EHBP1: variants seen among roughly 807,000 people sequenced by gnomAD.
EHBP1 encodes EH domain binding protein 1, also known as EH domain-binding protein 1.
Under a neutral mutation model 144.0 loss-of-function variants are expected in EHBP1, and 55 were observed. That is an observed-to-expected ratio of 0.38 (90% confidence interval 0.31 to 0.48). The LOEUF is 0.48. Among genes scored for constraint, EHBP1 ranks in the 20% least tolerant of loss-of-function variants. EHBP1 has a pLI of 0.98. For synonymous variants in EHBP1, 469 were observed against 472.7 expected, an observed-to-expected ratio of 0.99 and a Z score of 0.10; for missense variants, 1,200 against 1,364.2, an observed-to-expected ratio of 0.88 and a Z score of 1.90.
chr2:62,803,377 G>C (rs1158364165), intron 5 of EHBP1, among the ~76,000 whole-genome samples: 5 of 152,112 alleles, frequency 3.3e-5, no homozygotes, highest in East Asian at 3.8e-4. Context: ...CCCATAACAG[G>C]CTATAACTGT....
chr2:62,880,348 A>G (rs1377393268), intron 10 of EHBP1, among the ~76,000 whole-genome samples: 2 of 30,780 alleles, frequency 6.5e-5, no homozygotes, highest in African/African-American at 3.6e-4. Flanking sequence ...GCAATTGTGA[A>G]AAAAAAAAAA....
At chr2:62,839,102 G>A (rs1318413199) in intron 7 of EHBP1, among the ~76,000 whole-genome samples, 1 of 147,704 alleles carries the variant, frequency 6.8e-6, no homozygotes, top group African/African-American at 2.5e-5. Flanking sequence ...ATAAAATACT[G>A]GCAAACCGAA....
At chr2:62,975,421 G>A (rs947866498) in intron 14 of EHBP1, among the ~76,000 whole-genome samples, 3 of 152,180 alleles carry the variant, frequency 2.0e-5, no homozygotes, top group South Asian at 2.1e-4. Flanking sequence ...TGGGATGAGC[G>A]ATAACTGTTG....
chr2:62,680,308 C>G (rs1310192820), intron 1 of EHBP1, among the ~76,000 whole-genome samples: 1 of 152,220 alleles, frequency 6.6e-6, no homozygotes, highest in Non-Finnish European at 1.5e-5. Context: ...CTACCCTCCC[C>G]TGTTCCTCAA....
intron 4 of EHBP1, among the ~76,000 whole-genome samples, chr2:62,770,844 C>T (rs2041604036): frequency 6.6e-6 from 1 of 152,104 alleles, no homozygotes; most frequent in African/African-American, 2.4e-5. Flanking sequence ...TGAGATCATG[C>T]TTTTTTCTGG....
chr2:62,746,594 A>G (rs1186615260), intron 2 of EHBP1, among the ~76,000 whole-genome samples: 1 of 152,070 alleles, frequency 6.6e-6, no homozygotes, highest in African/African-American at 2.4e-5. Context: ...CATAATCTTG[A>G]TGTTTTTCAT....
At chr2:62,935,969 A>G (rs770596447) in intron 10 of EHBP1, among the ~76,000 whole-genome samples, 5 of 152,198 alleles carry the variant, frequency 3.3e-5, no homozygotes, top group Non-Finnish European at 7.4e-5. Context: ...ATTAAGCCAA[A>G]TATGTGTTCT....
At position 62,833,491 on chromosome 2, in the gene EHBP1, C is replaced by T. The variant is rs530483705; in HGVS notation, c.634+2333C>T. Among the ~76,000 whole-genome samples, 21 of 152,324 alleles carry T rather than the reference C, an allele frequency of 1.4e-4. No individual in the cohort carries two copies. In the East Asian group the frequency reaches 2.1e-3, roughly 15 times the overall value. On this transcript the variant is annotated intron_variant, in intron 7 of 22. Transcript: ENST00000431489. ...GGCTTCAGAGCCTCTAAGCTTCAAACGACAAGTTAACTCTCTTGTTAGCAC... is the reference window on the plus strand; with the variant it reads ...GGCTTCAGAGCCTCTAAGCTTCAAATGACAAGTTAACTCTCTTGTTAGCAC...
chr2:62,781,360 G>A (rs965900316), intron 5 of EHBP1, among the ~76,000 whole-genome samples: 3 of 151,918 alleles, frequency 2.0e-5, no homozygotes, highest in African/African-American at 7.2e-5. Flanking sequence ...AAATTCATTT[G>A]GTGGCAAAAC....
At chr2:62,773,850 C>CAAAAAAAAAAAAAAAAAAAAAAAAAAAAA (rs570715468) in intron 5 of EHBP1, among the ~76,000 whole-genome samples, 2 of 41,552 alleles carry the variant, frequency 4.8e-5, no homozygotes, top group Admixed American at 4.3e-4. Flanking sequence ...GACTCCATCT[C>CAAAAAAAAAAAAAAAAAAAAAAAAAAAAA]AAAAAAAAAA....
At chr2:62,935,771 C>G (rs1320125046) in intron 10 of EHBP1, among the ~76,000 whole-genome samples, 1 of 152,048 alleles carries the variant, frequency 6.6e-6, no homozygotes, top group Non-Finnish European at 1.5e-5. Context: ...TTCACCCTTG[C>G]AATATTTGCT....
At chr2:62,966,491 T>C (rs2058253631) in intron 14 of EHBP1, among the ~76,000 whole-genome samples, 1 of 152,164 alleles carries the variant, frequency 6.6e-6, no homozygotes, top group African/African-American at 2.4e-5. Flanking sequence ...CCGAGTGCTT[T>C]AATTGGTCTC....
At chr2:63,037,201 A>G (rs948443767) in intron 19 of EHBP1, among the ~76,000 whole-genome samples, 3 of 151,910 alleles carry the variant, frequency 2.0e-5, no homozygotes, top group Non-Finnish European at 4.4e-5. Flanking sequence ...AATCATGACC[A>G]TATGTCTCTC....
At chr2:62,969,059 C>T (rs531010993) in intron 14 of EHBP1, among the ~76,000 whole-genome samples, 1 of 147,516 alleles carries the variant, frequency 6.8e-6, no homozygotes, top group East Asian at 2.0e-4. Flanking sequence ...ATCAATTTCA[C>T]AAAGAAAAGA....
intron 3 of EHBP1, among the ~76,000 whole-genome samples, chr2:62,754,660 G>C (rs1232345822): frequency 2.0e-5 from 3 of 152,156 alleles, no homozygotes; most frequent in Non-Finnish European, 4.4e-5. Flanking sequence ...CTTCCTGACT[G>C]CTCTGTCTAC....
At chr2:62,915,718 A>T (rs201039386) in intron 10 of EHBP1, among the ~76,000 whole-genome samples, 49 of 136,042 alleles carry the variant, frequency 3.6e-4, no homozygotes, top group Non-Finnish European at 4.2e-4. Context: ...TTTAAAAAAA[A>T]TTTTTTTTAA....
At chr2:62,734,152 C>G (rs1318140753) in intron 2 of EHBP1, among the ~76,000 whole-genome samples, 1 of 151,694 alleles carries the variant, frequency 6.6e-6, no homozygotes. Context: ...AATAGTTTTT[C>G]CCATTTTCTT....
At chr2:62,822,547 T>C (rs1037446069) in intron 5 of EHBP1, among the ~76,000 whole-genome samples, 2 of 152,184 alleles carry the variant, frequency 1.3e-5, no homozygotes, top group Non-Finnish European at 2.9e-5. Context: ...TCATGTGTTA[T>C]TGCAAGAATT....
chr2:62,868,748 G>A (rs953297347), intron 9 of EHBP1, among the ~76,000 whole-genome samples: 1 of 152,016 alleles, frequency 6.6e-6, no homozygotes, highest in African/African-American at 2.4e-5. Context: ...AGAAGTTGGA[G>A]ACCAACCTGA....
Sources: gnomAD v4.1 joint callset for allele counts (sites outside exome capture counted in the v4.1 genomes callset) on GRCh38, gnomAD v4.1.1 for gene constraint, MANE v1.5 for transcripts, NCBI Gene and HGNC (gene_info 2026-07-23, HGNC 2026-07-21) for gene names.